ACOT12: variants seen among roughly 807,000 people sequenced by gnomAD.
ACOT12 encodes the protein acyl-CoA thioesterase 12.
A neutral mutation model predicts 67.7 loss-of-function variants in ACOT12; 51 were observed. The ratio of observed to expected loss-of-function variants is 0.75; its 90% CI spans 0.60 to 0.95. ACOT12 has a LOEUF of 0.95. Ranked by LOEUF, ACOT12 falls within the 40% of genes least tolerant of loss-of-function variation. The pLI is 0.00. For missense variants in ACOT12, 734 were observed against 708.1 expected (o/e 1.04, Z -0.41); for synonymous variants, 251 against 244.6 (o/e 1.03, Z -0.24).
At chr5:81,359,849 TC>T in intron 5 of ACOT12, 53 bp downstream of exon 5, 1 of 1,544,324 alleles carries the variant, frequency 6.5e-7, no homozygotes, top group Non-Finnish European at 8.8e-7. Context: ...AAGAAAAGAC[TC>T]CTTTGCCTGT....
chr5:81,372,891 C>T (rs1055596669), intron 2 of ACOT12, among the ~76,000 whole-genome samples: 1 of 152,096 alleles, frequency 6.6e-6, no homozygotes, highest in Admixed American at 6.5e-5. Flanking sequence ...CCTTGGGATG[C>T]TGGGATGTAA....
chr5:81,385,514 A>G (rs756408378), intron 2 of ACOT12, among the ~76,000 whole-genome samples: 2 of 152,182 alleles, frequency 1.3e-5, no homozygotes, highest in Non-Finnish European at 2.9e-5. Flanking sequence ...TTATGCCACA[A>G]TGCATCTAAG....
chr5:81,392,782 T>G (rs1039036718), intron 1 of ACOT12, among the ~76,000 whole-genome samples: 1 of 152,134 alleles, frequency 6.6e-6, no homozygotes, highest in African/African-American at 2.4e-5. Context: ...GAATCATTGA[T>G]TTCTCACAAT....
At chr5:81,316,162 T>TA in the ACOT12 span, among the ~76,000 whole-genome samples, 5 of 152,214 alleles carry the variant, frequency 3.3e-5, no homozygotes, top group East Asian at 7.7e-4. Context: ...TTTATTGAGA[T>TA]ATAATTCACA....
chr5:81,335,466 G>C (rs1259255546), intron 12 of ACOT12, among the ~76,000 whole-genome samples: 1 of 152,144 alleles, frequency 6.6e-6, no homozygotes, highest in Non-Finnish European at 1.5e-5. Flanking sequence ...CCAGACTCAT[G>C]CAATCCTCCC....
intron 5 of ACOT12, among the ~76,000 whole-genome samples, chr5:81,359,060 CCTT>C (rs1413546359): frequency 6.6e-6 from 1 of 152,180 alleles, no homozygotes; most frequent in African/African-American, 2.4e-5. Context: ...CACTCTTTCT[CCTT>C]CTCTTTTGAC....
intron 1 of ACOT12, among the ~76,000 whole-genome samples, chr5:81,392,260 G>A (rs1419129536): frequency 1.3e-5 from 2 of 152,118 alleles, no homozygotes; most frequent in African/African-American, 4.8e-5. Context: ...AGAGAAATCA[G>A]TTTTATATTA....
chr5:81,378,276 T>C (rs904041090), intron 2 of ACOT12, among the ~76,000 whole-genome samples: 2 of 152,134 alleles, frequency 1.3e-5, no homozygotes, highest in Admixed American at 6.6e-5. Flanking sequence ...GAAAACTGGC[T>C]AGCCATATGC....
chr5:81,343,509 T>C (rs929775537), intron 10 of ACOT12, among the ~76,000 whole-genome samples: 7 of 152,186 alleles, frequency 4.6e-5, no homozygotes, highest in African/African-American at 1.7e-4. Context: ...TTTATAAAAA[T>C]GCAAGCTGGT....
the ACOT12 span, chr5:81,312,747 G>C: frequency 1.1e-5 from 11 of 988,982 alleles, 1 homozygote; most frequent in East Asian, 2.2e-4. Flanking sequence ...GAGCTCCCCT[G>C]TAGCCAGGAC....
At chr5:81,335,645 C>T in intron 12 of ACOT12, 123 bp downstream of exon 12, 1 of 1,275,352 alleles carries the variant, frequency 7.8e-7, no homozygotes, top group Non-Finnish European at 1.1e-6. Flanking sequence ...CTGGGTCAAA[C>T]TTCTAAAAAT....
chr5:81,321,427 G>A, the ACOT12 span, among the ~76,000 whole-genome samples: 1 of 152,204 alleles, frequency 6.6e-6, no homozygotes, highest in South Asian at 2.1e-4. Context: ...ATCACCTTGG[G>A]GGTTAGGATT....
intron 11 of ACOT12, among the ~76,000 whole-genome samples, chr5:81,341,944 T>C (rs565723504): frequency 6.6e-6 from 1 of 152,200 alleles, no homozygotes; most frequent in Non-Finnish European, 1.5e-5. Flanking sequence ...GAGGTAGCTG[T>C]GGAAGAAATG....
chr5:81,387,791 T>C (rs1327345298), intron 1 of ACOT12, among the ~76,000 whole-genome samples: 1 of 152,204 alleles, frequency 6.6e-6, no homozygotes, highest in Non-Finnish European at 1.5e-5. Flanking sequence ...GTGATCCTCC[T>C]GCCTTGGCCC....
downstream of ACOT12, among the ~76,000 whole-genome samples, chr5:81,327,221 C>CACACATAT (rs1561316352): frequency 3.7e-3 from 554 of 149,576 alleles, 5 homozygotes; most frequent in African/African-American, 0.013. Flanking sequence ...CACACACACA[C>CACACATAT]ATATATATAC....
intron 8 of ACOT12, 42 bp from the exon 9 acceptor site, chr5:81,344,257 ATATC>A: frequency 6.4e-7 from 1 of 1,570,582 alleles, no homozygotes; most frequent in Non-Finnish European, 8.7e-7. Flanking sequence ...ATAAAATAAA[ATATC>A]TACTATCTTA....
At chr5:81,310,137 T>A in the ACOT12 span, among the ~76,000 whole-genome samples, 1 of 129,866 alleles carries the variant, frequency 7.7e-6, no homozygotes, top group Non-Finnish European at 1.5e-5. Flanking sequence ...CTTTCACTGG[T>A]CAACCAAAGT....
rs147233411 is a variant in ACOT12, at chr5:81,343,841, T to A, written c.1021A>T (p.Ile341Leu). ...ISHKEEVPLC[I>L]HWDISKQASL... ...ACCTGCTTGCTGATATCCCAGTGTA[T>A]GCAAAGTGGAACCTCTTCTTTGTGG... The change falls in exon 10 of 15, where the codon ATA becomes TTA. Residue 341 changes from isoleucine (I) to leucine (L), a missense_variant. Transcript: ENST00000307624. 3 of 1,613,686 alleles carry A rather than the reference T, an allele frequency of 1.9e-6. No homozygotes were observed. In the East Asian group the frequency reaches 6.7e-5, roughly 36 times the overall value.
intron 1 of ACOT12, 27 bp downstream of exon 1, chr5:81,393,961 C>A: frequency 1.5e-6 from 2 of 1,313,128 alleles, no homozygotes; most frequent in Non-Finnish European, 1.9e-6. Flanking sequence ...GGTCCCGCGC[C>A]TCCCCGCAGC....
Sources: allele counts gnomAD v4.1 joint callset (sites outside exome capture counted in the v4.1 genomes callset), GRCh38; gene constraint gnomAD v4.1.1; transcripts MANE v1.5; gene names NCBI Gene and HGNC (gene_info 2026-07-23, HGNC 2026-07-21).